KCTD16: variants seen among roughly 807,000 people sequenced by gnomAD.
KCTD16 encodes BTB/POZ domain-containing protein KCTD16.
In KCTD16, 13 loss-of-function variants were observed where a neutral mutation model predicts 33.2. The observed-to-expected ratio is 0.39, with a 90% confidence interval of 0.25 to 0.62. The LOEUF is 0.62. Among genes scored for constraint, KCTD16 ranks in the 20% least tolerant of loss-of-function variants. KCTD16 has a pLI of 0.50. For synonymous variants in KCTD16, 197 were observed against 195.3 expected (o/e 1.01, Z -0.07); for missense variants, 441 against 525.1 (o/e 0.84, Z 1.57).
intron 3 of KCTD16, among the ~76,000 whole-genome samples, chr5:144,257,533 G>C (rs1158471999): frequency 1.3e-5 from 2 of 151,818 alleles, no homozygotes; most frequent in Non-Finnish European, 2.9e-5. Flanking sequence ...CTGTCGCCCA[G>C]GCTGGAGTGC....
chr5:144,447,097 C>T (rs1055359504), intron 3 of KCTD16, among the ~76,000 whole-genome samples: 4 of 152,040 alleles, frequency 2.6e-5, no homozygotes, highest in Admixed American at 2.6e-4. Flanking sequence ...ACTATAAAGA[C>T]GCATAAACAC....
intron 3 of KCTD16, among the ~76,000 whole-genome samples, chr5:144,391,672 A>G (rs1231190062): frequency 6.6e-6 from 1 of 152,228 alleles, no homozygotes; most frequent in African/African-American, 2.4e-5. Context: ...TGGTAACTCT[A>G]TACCCTGACG....
chr5:144,296,684 A>G (rs960571644), intron 3 of KCTD16, among the ~76,000 whole-genome samples: 2 of 152,324 alleles, frequency 1.3e-5, no homozygotes, highest in East Asian at 1.9e-4. Flanking sequence ...GGTGCTTAGC[A>G]GAAAAACAAA....
intron 3 of KCTD16, among the ~76,000 whole-genome samples, chr5:144,464,770 C>T (rs1754282518): frequency 6.6e-6 from 1 of 151,460 alleles, no homozygotes; most frequent in Non-Finnish European, 1.5e-5. Flanking sequence ...TCTTCTTCTT[C>T]TTCTTCTTCC....
At chr5:144,449,545 G>A (rs950519329) in intron 3 of KCTD16, among the ~76,000 whole-genome samples, 7 of 151,742 alleles carry the variant, frequency 4.6e-5, no homozygotes, top group African/African-American at 1.5e-4. Context: ...TAAAATAAAA[G>A]TTGAAATTAT....
intron 3 of KCTD16, among the ~76,000 whole-genome samples, chr5:144,379,862 T>A (rs73303960): frequency 0.045 from 6,870 of 152,226 alleles, 300 homozygotes; most frequent in African/African-American, 0.11. Flanking sequence ...TAAAGCAAAA[T>A]GTAAATAAAA....
chr5:144,270,074 G>C (rs1406606353), intron 3 of KCTD16, among the ~76,000 whole-genome samples: 2 of 151,590 alleles, frequency 1.3e-5, no homozygotes, highest in Non-Finnish European at 3.0e-5. Flanking sequence ...GAAAATGAGG[G>C]TGAAAAAAGC....
At chr5:144,353,877 T>G (rs1751505783) in intron 3 of KCTD16, among the ~76,000 whole-genome samples, 1 of 129,088 alleles carries the variant, frequency 7.7e-6, no homozygotes, top group African/African-American at 4.1e-5. Context: ...GGTGTTTTAT[T>G]TTTTTTTAAG....
At chr5:144,395,054 T>C (rs758805057) in intron 3 of KCTD16, among the ~76,000 whole-genome samples, 1 of 152,200 alleles carries the variant, frequency 6.6e-6, no homozygotes, top group Non-Finnish European at 1.5e-5. Context: ...GAAATGCAGA[T>C]TGTTAGGCCC....
intron 3 of KCTD16, among the ~76,000 whole-genome samples, chr5:144,404,707 G>A (rs961866456): frequency 2.0e-5 from 3 of 152,220 alleles, no homozygotes; most frequent in African/African-American, 2.4e-5. Flanking sequence ...CTCATGGCAT[G>A]TTGGGAGTGT....
intron 3 of KCTD16, among the ~76,000 whole-genome samples, chr5:144,279,149 T>C (rs1755532195): frequency 6.6e-6 from 1 of 152,238 alleles, no homozygotes; most frequent in South Asian, 2.1e-4. Flanking sequence ...CTTGAATCCA[T>C]GACCATGTTG....
At chr5:144,447,051 T>G (rs554987075) in intron 3 of KCTD16, among the ~76,000 whole-genome samples, 5 of 152,220 alleles carry the variant, frequency 3.3e-5, no homozygotes, top group South Asian at 2.1e-4. Flanking sequence ...GCAATCCCAT[T>G]ACTGAGTATA....
chr5:144,256,116 C>G (rs577587059), intron 3 of KCTD16, among the ~76,000 whole-genome samples: 10 of 152,176 alleles, frequency 6.6e-5, no homozygotes, highest in Non-Finnish European at 1.2e-4. Flanking sequence ...TTACTGTTTT[C>G]TGGGTTTGAA....
chr5:144,187,987 C>T (rs1387787195), intron 2 of KCTD16, among the ~76,000 whole-genome samples: 1 of 152,210 alleles, frequency 6.6e-6, no homozygotes, highest in Non-Finnish European at 1.5e-5. Flanking sequence ...AGACAGCACT[C>T]TTCTGTCTGA....
chr5:144,259,753 C>T (rs1300858848), intron 3 of KCTD16, among the ~76,000 whole-genome samples: 2 of 152,224 alleles, frequency 1.3e-5, no homozygotes, highest in Non-Finnish European at 2.9e-5. Context: ...TAAAGACCGT[C>T]AGGCTCTTTC....
chr5:144,293,926 A>C (rs1755964574), intron 3 of KCTD16, among the ~76,000 whole-genome samples: 1 of 152,174 alleles, frequency 6.6e-6, no homozygotes, highest in Non-Finnish European at 1.5e-5. Flanking sequence ...TTGGGAGGCC[A>C]AGGCAGGTGG....
intron 3 of KCTD16, among the ~76,000 whole-genome samples, chr5:144,226,446 G>GT (rs1472883562): frequency 1.3e-5 from 2 of 152,048 alleles, no homozygotes; most frequent in Non-Finnish European, 2.9e-5. Flanking sequence ...ATTTTTAAAA[G>GT]ATTTAGAACA....
At chr5:144,444,781 T>C (rs1753784944) in intron 3 of KCTD16, among the ~76,000 whole-genome samples, 1 of 151,482 alleles carries the variant, frequency 6.6e-6, no homozygotes, top group Admixed American at 6.6e-5. Flanking sequence ...TAGAAATATA[T>C]TGTTGTCGTC....
At chr5:144,414,186 C>T (rs61596553) in intron 3 of KCTD16, among the ~76,000 whole-genome samples, 12,532 of 152,114 alleles carry the variant, frequency 0.082, 1,698 homozygotes, top group African/African-American at 0.28. Context: ...AGGCATGATA[C>T]CCTGTCATTT....
Sources: gnomAD v4.1 joint callset for allele counts (sites outside exome capture counted in the v4.1 genomes callset) on GRCh38, gnomAD v4.1.1 for gene constraint, MANE v1.5 for transcripts, NCBI Gene and HGNC (gene_info 2026-07-23, HGNC 2026-07-21) for gene names.